Variants in SSBP4 observed in about 807,000 individuals in gnomAD.
SSBP4 encodes single-stranded DNA-binding protein 4.
SSBP4 carries 33 observed loss-of-function variants against 64.6 expected under a neutral mutation model. The ratio of observed to expected loss-of-function variants is 0.51; its 90% CI spans 0.39 to 0.68. The LOEUF (loss-of-function observed/expected upper bound fraction) is 0.68, where lower values mean the gene tolerates loss of function less well. SSBP4 is among the 30% of genes least tolerant of loss of function. The pLI is 0.00. For synonymous variants in SSBP4, 243 were observed against 224.0 expected (o/e 1.08, Z -0.76); for missense variants, 583 against 566.8 (o/e 1.03, Z -0.29).
chr19:18,420,457 C>T (rs1049168598), intron 1 of SSBP4, among the ~76,000 whole-genome samples: 2 of 151,996 alleles, frequency 1.3e-5, no homozygotes, highest in Non-Finnish European at 2.9e-5. Flanking sequence ...TGAGGTCTCT[C>T]GGGGTGGGGA....
chr19:18,431,826 C>G lies in SSBP4; in HGVS notation c.529C>G (p.Leu177Val), dbSNP rs1023559794. The G allele has an allele frequency of 3.2e-6, 5 of 1,568,190 alleles. No homozygotes were observed. Among genetic ancestry groups the G allele is most frequent in the Non-Finnish European group, 4.3e-6 (5 of 1,155,548 alleles). Residue 177 changes from leucine (L) to valine (V), a missense_variant, in exon 8 of 18, where the codon CTC becomes GTC. Leu to Val is a conservative substitution (Grantham distance 32). Transcript: ENST00000270061. The stretch of plus-strand genomic sequence containing the variant: ...AGGCCTCCCTGGCTCCCAGCCCCTC[C>G]TCCCTGGCGCCATGGAGCCCTCCCC... ...PAGLPGSQPL[L>V]PGAMEPSPRA...
At chr19:18,411,394 C>T in the SSBP4 span, among the ~76,000 whole-genome samples, 1 of 152,092 alleles carries the variant, frequency 6.6e-6, no homozygotes, top group South Asian at 2.1e-4. Context: ...ACTCGGGAGG[C>T]TGAGGCAGGA....
At chr19:18,404,832 C>A in the SSBP4 span, among the ~76,000 whole-genome samples, 2 of 136,660 alleles carry the variant, frequency 1.5e-5, no homozygotes, top group African/African-American at 2.8e-5. Flanking sequence ...GCAGAGCTTG[C>A]AGTGAGCCAA....
chr19:18,433,551 C>A, intron 15 of SSBP4, 34 bp from the exon 16 acceptor site: 1 of 1,546,542 alleles, frequency 6.5e-7, no homozygotes, highest in South Asian at 1.2e-5. Context: ...GCCAGCACGT[C>A]TGAGCCGGTG....
the SSBP4 span, among the ~76,000 whole-genome samples, chr19:18,407,293 C>T: frequency 1.6e-3 from 249 of 152,108 alleles, 1 homozygote; most frequent in African/African-American, 5.8e-3. Flanking sequence ...CCACCTCGGC[C>T]TCCCAGAGTG....
In SSBP4 at chr19:18,427,875, C is replaced by T; in HGVS notation, c.195-23C>T. The T allele has an allele frequency of 6.2e-7, 1 of 1,614,012 alleles. No homozygotes were observed. Among genetic ancestry groups the T allele is most frequent in the Non-Finnish European group, 8.5e-7 (1 of 1,179,946 alleles). On this transcript the variant is annotated intron_variant, in intron 3 of 17. Coordinates refer to ENST00000270061, the MANE Select transcript of SSBP4 (RefSeq NM_032627.5). The surrounding 1 kb of genome is among the most constrained non-coding windows in gnomAD (Gnocchi z 4.4). ...GGGTTGAGGGAGGCACGTGGAGCAA[C>T]CATCTTCCCCTTTGGCCCACAGCGT...
the SSBP4 span, among the ~76,000 whole-genome samples, chr19:18,412,247 G>C: frequency 1.3e-5 from 2 of 151,890 alleles, no homozygotes; most frequent in Non-Finnish European, 2.9e-5. Context: ...TGGACCATCA[G>C]GTCAGGAGGT....
In SSBP4 at chr19:18,423,498, C is replaced by G. The variant is rs1286951254; in HGVS notation, c.59+3791C>G. 6.6e-6 allele frequency among the ~76,000 whole-genome samples: 1 copy of G among 152,096 alleles called. No homozygotes were observed. Among genetic ancestry groups the G allele is most frequent in the Non-Finnish European group, 1.5e-5 (1 of 68,010 alleles). ...AGGAGTGAGACCTGGTGACGGATGG[C>G]AAGGTGACACAAAGCCATGAGTGGC... is the stretch of plus-strand genomic sequence containing the variant. On this transcript the variant is annotated intron_variant, in intron 1 of 17. Transcript: ENST00000270061. This position sits in a 1 kb window ranked among gnomAD's most constrained non-coding sequence, Gnocchi z 4.0.
chr19:18,408,820 G>T, the SSBP4 span, among the ~76,000 whole-genome samples: 1 of 151,144 alleles, frequency 6.6e-6, no homozygotes, highest in Non-Finnish European at 1.5e-5. Context: ...AGTTCTTTTG[G>T]TTTGTTTTTT....
At chr19:18,407,553 AC>A in the SSBP4 span, among the ~76,000 whole-genome samples, 1 of 150,980 alleles carries the variant, frequency 6.6e-6, no homozygotes, top group Admixed American at 6.6e-5. Flanking sequence ...AGTAGCTGGG[AC>A]TAGAGTAGCT....
At chr19:18,405,927 C>T in the SSBP4 span, among the ~76,000 whole-genome samples, 288 of 150,928 alleles carry the variant, frequency 1.9e-3, no homozygotes, top group African/African-American at 6.8e-3. Context: ...GGAGGCGGAG[C>T]TTGCAGTGAG....
At chr19:18,424,762 C>T (rs968408859) in intron 1 of SSBP4, among the ~76,000 whole-genome samples, 2 of 151,460 alleles carry the variant, frequency 1.3e-5, no homozygotes, top group Non-Finnish European at 2.9e-5. Flanking sequence ...TGTTTGGGGA[C>T]AGCTGGGTGG....
At position 18,427,947 on chromosome 19, in the gene SSBP4, G is replaced by A. The variant is rs1196155925; in HGVS notation, c.244G>A (p.Glu82Lys). 3 of 1,613,316 alleles carry A rather than the reference G, an allele frequency of 1.9e-6. No homozygotes were observed. Among genetic ancestry groups the A allele is most frequent in the Admixed American group, 1.7e-5 (1 of 60,002 alleles). Residue 82 changes from glutamate to lysine, a missense_variant, in exon 4 of 18, where the codon GAG becomes AAG. By Grantham distance (56) the Glu-to-Lys change is moderately conservative. Coordinates refer to ENST00000270061, the MANE Select transcript of SSBP4 (RefSeq NM_032627.5). This position sits in a 1 kb window ranked among gnomAD's most constrained non-coding sequence, Gnocchi z 4.4. ...CAAPDRREACEHSGEAKAFQD... is the reference protein window; with the variant it reads ...CAAPDRREACKHSGEAKAFQD... ...GGCGCCTGACAGAAGAGAGGCCTGC[G>A]AGCACTCCGGCGAGGCCAAGGCCTT...
rs576989999 is a variant in SSBP4 at position 18,423,538 on chromosome 19, C to G, written c.60-3813C>G. On this transcript the variant is annotated intron_variant, in intron 1 of 17. Coordinates refer to ENST00000270061, the MANE Select transcript of SSBP4 (RefSeq NM_032627.5). This position sits in a 1 kb window ranked among gnomAD's most constrained non-coding sequence, Gnocchi z 4.0. ...CCATGAGTGGCAGGTGTCTCCTGCCCCAGCAGCATCTGTGTCTAGGAAGGC... is the reference window on the plus strand; with the variant it reads ...CCATGAGTGGCAGGTGTCTCCTGCCGCAGCAGCATCTGTGTCTAGGAAGGC... 5.3e-5 allele frequency among the ~76,000 whole-genome samples: 8 copies of G among 152,258 alleles called. No homozygotes were observed. Among genetic ancestry groups the G allele is most frequent in the African/African-American group, 1.7e-4 (7 of 41,536 alleles).
At chr19:18,411,645 G>A in the SSBP4 span, among the ~76,000 whole-genome samples, 4 of 152,234 alleles carry the variant, frequency 2.6e-5, no homozygotes, top group African/African-American at 9.6e-5. Flanking sequence ...AAGGTATCCC[G>A]GCCAGGAGAA....
chr19:18,427,572 C>A lies in SSBP4; in HGVS notation c.132+149C>A. ...CTGCAGGGTCCAGGCCCTGGGCTAG[C>A]ATCCAGGCATCTGGTCCACATGCCC... On this transcript the variant is annotated intron_variant, in intron 2 of 17. Coordinates refer to ENST00000270061, the MANE Select transcript of SSBP4 (RefSeq NM_032627.5). This position sits in a 1 kb window ranked among gnomAD's most constrained non-coding sequence, Gnocchi z 4.4. The A allele has an allele frequency of 8.1e-7, 1 of 1,227,758 alleles. No homozygotes were observed. Among genetic ancestry groups the A allele is most frequent in the Non-Finnish European group, 1.1e-6 (1 of 894,602 alleles). 76.1% of individuals were successfully genotyped at this position (1,227,758 alleles called of 1,614,324 possible).
At chr19:18,419,104 T>G, upstream of SSBP4, 1 of 985,516 alleles carries the variant, frequency 1.0e-6, no homozygotes, top group Non-Finnish European at 1.2e-6. Context: ...GCTGCGAATG[T>G]GTGTGGCTGG....
Position 18,427,550 on chromosome 19 carries a change from C to T in SSBP4, c.132+127C>T, listed in dbSNP as rs1344790099. On this transcript the variant is annotated intron_variant, in intron 2 of 17. Coordinates refer to ENST00000270061, the MANE Select transcript of SSBP4 (RefSeq NM_032627.5). The surrounding 1 kb of genome is among the most constrained non-coding windows in gnomAD (Gnocchi z 4.4). Reference sequence around the variant, plus strand: ...ATGGCCCTGGGAACTGAGGGCTCTGCAGGGTCCAGGCCCTGGGCTAGCATC... The same window carrying T: ...ATGGCCCTGGGAACTGAGGGCTCTGTAGGGTCCAGGCCCTGGGCTAGCATC... 7.7e-6 allele frequency: 10 copies of T among 1,298,546 alleles called. No homozygotes were observed. The highest frequency in any genetic ancestry group is 1.1e-6 in the Non-Finnish European group (1 of 944,180). 80.4% of individuals were successfully genotyped at this position (1,298,546 alleles called of 1,614,324 possible).
chr19:18,431,976 C>T lies in SSBP4; in HGVS notation c.566-24C>T, dbSNP rs371567220. On this transcript the variant is annotated intron_variant, in intron 8 of 17. Coordinates refer to ENST00000270061, the MANE Select transcript of SSBP4 (RefSeq NM_032627.5). ...ACTGGGGAATGGTCCAGGTCCAAGT[C>T]CCCTTCCTTCTGCCCCACCCCAGGG... 3.4e-5 allele frequency: 53 copies of T among 1,550,498 alleles called. No individual in the cohort carries two copies. In the East Asian group the frequency reaches 4.8e-4, roughly 14 times the overall value.
Sources: allele counts gnomAD v4.1 joint callset (sites outside exome capture counted in the v4.1 genomes callset), GRCh38; gene constraint gnomAD v4.1.1; non-coding constraint Gnocchi (gnomAD v3.1); transcripts MANE v1.5; gene names NCBI Gene and HGNC (gene_info 2026-07-23, HGNC 2026-07-21).